The following CPPED1 variants were observed in gnomAD, a reference collection of about 807,000 sequenced individuals.
CPPED1 encodes calcineurin like phosphoesterase domain containing 1, also known as serine/threonine-protein phosphatase CPPED1.
A neutral mutation model predicts 28.0 loss-of-function variants in CPPED1; 28 were observed. The ratio of observed to expected loss-of-function variants is 1.00; its 90% confidence interval spans 0.74 to 1.37. The LOEUF is 1.37. Ranked by LOEUF, CPPED1 falls within the 40% of genes most tolerant of loss-of-function variation. The probability of loss-of-function intolerance (pLI) is 0.00; values close to 1 mark genes in which losing one functional copy is unlikely to be tolerated. For missense variants in CPPED1, 504 were observed against 416.5 expected (o/e 1.21, Z -1.83); for synonymous variants, 198 against 180.2 (o/e 1.10, Z -0.79).
At chr16:12,714,370 A>C (rs1252613874) in intron 2 of CPPED1, among the ~76,000 whole-genome samples, 1 of 152,220 alleles carries the variant, frequency 6.6e-6, no homozygotes, top group Non-Finnish European at 1.5e-5. Context: ...AGAAGCTAGC[A>C]GACTGTCTTC....
intron 2 of CPPED1, among the ~76,000 whole-genome samples, chr16:12,730,951 G>C (rs1485889645): frequency 6.6e-6 from 1 of 152,102 alleles, no homozygotes; most frequent in Non-Finnish European, 1.5e-5. Context: ...TAAAAAGAGA[G>C]CTAAAACAGA....
chr16:12,802,874 G>T (rs556244956), intron 1 of CPPED1, among the ~76,000 whole-genome samples: 1 of 152,300 alleles, frequency 6.6e-6, no homozygotes, highest in African/African-American at 2.4e-5. Context: ...AACCCTGAAG[G>T]AAGTGGACAC....
chr16:12,786,332 A>C (rs1238749271), intron 1 of CPPED1, among the ~76,000 whole-genome samples: 1 of 152,222 alleles, frequency 6.6e-6, no homozygotes, highest in African/African-American at 2.4e-5. Context: ...CAACTAACCA[A>C]GGAACTCGAG....
intron 2 of CPPED1, among the ~76,000 whole-genome samples, chr16:12,734,540 C>A (rs978523710): frequency 6.6e-6 from 1 of 152,110 alleles, no homozygotes; most frequent in African/African-American, 2.4e-5. Flanking sequence ...CCACTGTCCC[C>A]GGCTAATTTT....
Position 12,664,961 on chromosome 16 carries a change from G to C in CPPED1, c.870C>G (p.His290Gln), listed in dbSNP as rs1596435000. ...TCAGCTCATCTAGACTGTAGTATCG[G>C]TGAACAATTTTCTCGGCGGTGACCA... ...VVVVTAEKIV[H>Q]RYYSLDELSE... Residue 290 changes from histidine to glutamine, a missense_variant, in exon 4 of 4, where the codon CAC becomes CAG. Physicochemically the swap from His to Gln is conservative, Grantham distance 24. Transcript: ENST00000381774. This position sits in a 1 kb window ranked among gnomAD's most constrained non-coding sequence, Gnocchi z 4.2. 6.8e-6 allele frequency: 11 copies of C among 1,611,104 alleles called. No individual in the cohort carries two copies. The highest frequency in any genetic ancestry group is 9.3e-6 in the Non-Finnish European group (11 of 1,178,992).
At chr16:12,741,573 G>A (rs1045847631) in intron 2 of CPPED1, among the ~76,000 whole-genome samples, 1 of 152,210 alleles carries the variant, frequency 6.6e-6, no homozygotes, top group Admixed American at 6.5e-5. Flanking sequence ...TGGTTGAAGA[G>A]TAGGTTGGGT....
At chr16:12,789,676 A>C (rs1942848615) in intron 1 of CPPED1, among the ~76,000 whole-genome samples, 1 of 151,968 alleles carries the variant, frequency 6.6e-6, no homozygotes, top group African/African-American at 2.4e-5. Flanking sequence ...CAGGTGCGCG[A>C]CACCATGCCT....
intron 3 of CPPED1, among the ~76,000 whole-genome samples, chr16:12,692,743 A>G (rs1011984789): frequency 3.9e-5 from 6 of 152,212 alleles, no homozygotes; most frequent in Non-Finnish European, 7.3e-5. Flanking sequence ...CATCTCCTGC[A>G]CTTTTCGGGA....
intron 1 of CPPED1, among the ~76,000 whole-genome samples, chr16:12,787,570 C>T (rs2080571783): frequency 6.6e-6 from 1 of 152,056 alleles, no homozygotes; most frequent in East Asian, 1.9e-4. Context: ...CCACACCTGG[C>T]TCATTTTTGT....
In CPPED1 at chr16:12,696,422, G is replaced by A. The variant is rs1048852951; in HGVS notation, c.715+8202C>T. On this transcript the variant is annotated intron_variant, in intron 3 of 3. Transcript: ENST00000381774. ...TGAGTGCTCACTATGAGCCAGACAT[G>A]GTGCTAAGTGACTTTCTTTTTTTTT... Among the ~76,000 whole-genome samples, 4 of 151,210 alleles carry A rather than the reference G, an allele frequency of 2.6e-5. No homozygotes were observed. The East Asian group carries it at 5.8e-4, about 22-fold the overall frequency.
At chr16:12,798,565 C>G (rs1387216013) in intron 1 of CPPED1, among the ~76,000 whole-genome samples, 2 of 152,168 alleles carry the variant, frequency 1.3e-5, no homozygotes, top group African/African-American at 4.8e-5. Context: ...AGGAAAGATT[C>G]AGGATTAGCA....
chr16:12,772,359 T>C (rs2080474928), intron 2 of CPPED1, among the ~76,000 whole-genome samples: 6 of 152,192 alleles, frequency 3.9e-5, no homozygotes, highest in Admixed American at 3.9e-4. Flanking sequence ...CCCCATAGCA[T>C]CTCCCATTCT....
intron 2 of CPPED1, among the ~76,000 whole-genome samples, chr16:12,714,991 T>A (rs762778103): frequency 4.0e-5 from 6 of 151,836 alleles, no homozygotes; most frequent in Non-Finnish European, 7.4e-5. Flanking sequence ...GAGGTAGGGG[T>A]CCAAATTCAC....
In CPPED1 at chr16:12,748,366, G is replaced by C. The variant is rs2080304790; in HGVS notation, c.289+32819C>G. ...CATACAGGGAAACAAATCTGTAAAA[G>C]AAAATATGTGAGATACGATACCATT... On this transcript the variant is annotated intron_variant, in intron 2 of 3. Transcript: ENST00000381774. Among the ~76,000 whole-genome samples the C allele has an allele frequency of 3.3e-5, 5 of 152,090 alleles. No individual in the cohort carries two copies. The South Asian group carries it at 1.0e-3, about 31-fold the overall frequency.
At chr16:12,724,258 T>C (rs1463686170) in intron 2 of CPPED1, among the ~76,000 whole-genome samples, 1 of 152,060 alleles carries the variant, frequency 6.6e-6, no homozygotes, top group African/African-American at 2.4e-5. Flanking sequence ...TCCCACTGAC[T>C]TACTACCCAG....
At chr16:12,691,177 C>T (rs1338320885) in intron 3 of CPPED1, among the ~76,000 whole-genome samples, 4 of 152,246 alleles carry the variant, frequency 2.6e-5, no homozygotes, top group South Asian at 2.1e-4. Context: ...TGTCTCCCCA[C>T]GCTGCAGTTT....
At chr16:12,680,616 C>A (rs1157740779) in intron 3 of CPPED1, among the ~76,000 whole-genome samples, 1 of 152,146 alleles carries the variant, frequency 6.6e-6, no homozygotes, top group Non-Finnish European at 1.5e-5. Context: ...GTCTGCACAG[C>A]CCCTCTGATC....
In CPPED1 at chr16:12,781,378, T is replaced by A. The variant is rs747998442; in HGVS notation, c.96A>T (p.Pro32=). The A allele has an allele frequency of 3.1e-6, 5 of 1,614,096 alleles. No individual in the cohort carries two copies. Among genetic ancestry groups the A allele is most frequent in the Non-Finnish European group, 4.2e-6 (5 of 1,180,026 alleles). The change falls in exon 2 of 4, where the codon CCA becomes CCT. Residue 32 remains proline, a synonymous_variant. Coordinates refer to ENST00000381774, the MANE Select transcript of CPPED1 (RefSeq NM_018340.3). ...PAEKESEWKG[P]FYFILGADPQ... The stretch of plus-strand genomic sequence containing the variant: ...GGTCTGCGCCCAGGATGAAGTAGAA[T>A]GGGCCTTTCCATTCGCTTTCCTTTT...
chr16:12,755,449 T>C lies in CPPED1; in HGVS notation c.289+25736A>G, dbSNP rs1567297288. On this transcript the variant is annotated intron_variant, in intron 2 of 3. Coordinates refer to ENST00000381774, the MANE Select transcript of CPPED1 (RefSeq NM_018340.3). ...GGTGCATGCCACCATGCCTGGCTAA[T>C]TTTTGTATTTTTTGTAGAGATGGGG... 2.0e-5 allele frequency among the ~76,000 whole-genome samples: 3 copies of C among 151,824 alleles called. No individual in the cohort carries two copies. The East Asian group carries it at 5.8e-4, about 30-fold the overall frequency.
Sources: allele counts gnomAD v4.1 joint callset (sites outside exome capture counted in the v4.1 genomes callset), GRCh38; gene constraint gnomAD v4.1.1; non-coding constraint Gnocchi (gnomAD v3.1); transcripts MANE v1.5; gene names NCBI Gene and HGNC (gene_info 2026-07-23, HGNC 2026-07-21).